The following SNTG1 variants were observed in gnomAD, a reference collection of about 807,000 sequenced individuals.
SNTG1 encodes gamma-1-syntrophin.
In SNTG1, 39 loss-of-function variants were observed where a neutral mutation model predicts 74.7. That is an observed-to-expected ratio of 0.52 (90% CI 0.40 to 0.68). SNTG1 has a LOEUF of 0.68. SNTG1 is among the 30% of genes least tolerant of loss of function. SNTG1 has a pLI of 0.00. For synonymous variants in SNTG1, 254 were observed against 217.1 expected, an observed-to-expected ratio of 1.17 and a Z score of -1.49; for missense variants, 685 against 609.5, an observed-to-expected ratio of 1.12 and a Z score of -1.30.
intron 1 of SNTG1, among the ~76,000 whole-genome samples, chr8:50,004,263 A>G (rs1815009339): frequency 6.6e-6 from 1 of 152,186 alleles, no homozygotes; most frequent in African/African-American, 2.4e-5. Flanking sequence ...TGTTTAACAT[A>G]CATTATTCCA....
chr8:50,676,288 A>G (rs2095309395), intron 15 of SNTG1, among the ~76,000 whole-genome samples: 1 of 151,766 alleles, frequency 6.6e-6, no homozygotes. Flanking sequence ...CTTTTTATGA[A>G]GTCCCATATT....
At chr8:49,931,243 C>G (rs987684120) in intron 1 of SNTG1, among the ~76,000 whole-genome samples, 1 of 152,124 alleles carries the variant, frequency 6.6e-6, no homozygotes, top group East Asian at 1.9e-4. Context: ...ACAATGTGGC[C>G]GACCAACAGT....
At chr8:49,934,779 G>A (rs558331140) in intron 1 of SNTG1, among the ~76,000 whole-genome samples, 1 of 152,218 alleles carries the variant, frequency 6.6e-6, no homozygotes, top group African/African-American at 2.4e-5. Flanking sequence ...AAGTAAATAA[G>A]TTGGTTTAAA....
chr8:50,489,428 C>T (rs535495749), intron 8 of SNTG1, among the ~76,000 whole-genome samples: 24 of 152,354 alleles, frequency 1.6e-4, no homozygotes, highest in Admixed American at 6.5e-4. Context: ...CACATCCTCT[C>T]CAGCATCTTC....
At chr8:50,681,677 C>T in intron 15 of SNTG1, among the ~76,000 whole-genome samples, 1 of 152,156 alleles carries the variant, frequency 6.6e-6, no homozygotes, top group Admixed American at 6.5e-5. Context: ...CAGAATGAGC[C>T]AGCAATGCTA....
At chr8:50,404,093 G>C (rs1281312969) in intron 4 of SNTG1, among the ~76,000 whole-genome samples, 1 of 152,060 alleles carries the variant, frequency 6.6e-6, no homozygotes, top group East Asian at 1.9e-4. Flanking sequence ...CAAGGTTGCT[G>C]AGAATAAGGA....
At chr8:50,660,832 T>A (rs1414891188) in intron 15 of SNTG1, among the ~76,000 whole-genome samples, 1 of 152,182 alleles carries the variant, frequency 6.6e-6, no homozygotes, top group Admixed American at 6.5e-5. Context: ...ATGTTCTATC[T>A]CTTTGTTACA....
At chr8:50,261,733 T>C (rs1348282281) in intron 2 of SNTG1, among the ~76,000 whole-genome samples, 4 of 151,940 alleles carry the variant, frequency 2.6e-5, no homozygotes, top group Non-Finnish European at 5.9e-5. Context: ...TAAATGTAAA[T>C]TGCAAATTCT....
At chr8:50,035,479 C>A (rs1818077949) in intron 1 of SNTG1, among the ~76,000 whole-genome samples, 1 of 152,062 alleles carries the variant, frequency 6.6e-6, no homozygotes, top group Non-Finnish European at 1.5e-5. Flanking sequence ...CATTTTTTCC[C>A]AGAGATGGCA....
At chr8:50,566,308 A>G (rs1335399988) in intron 12 of SNTG1, among the ~76,000 whole-genome samples, 1 of 151,994 alleles carries the variant, frequency 6.6e-6, no homozygotes, top group Non-Finnish European at 1.5e-5. Flanking sequence ...ACAACCGGAA[A>G]CTTTGAGATT....
At chr8:50,155,822 A>G (rs389684) in intron 1 of SNTG1, among the ~76,000 whole-genome samples, 1 of 152,018 alleles carries the variant, frequency 6.6e-6, no homozygotes, top group African/African-American at 2.4e-5. Context: ...ACAGAAAACA[A>G]ACATAAGATA....
intron 1 of SNTG1, among the ~76,000 whole-genome samples, chr8:50,101,747 C>T (rs970836877): frequency 5.3e-5 from 8 of 151,814 alleles, no homozygotes; most frequent in African/African-American, 1.7e-4. Flanking sequence ...TGTAATGTTC[C>T]CCTTCCTGTG....
chr8:50,447,170 G>T (rs1412862744), intron 5 of SNTG1, among the ~76,000 whole-genome samples: 1 of 152,104 alleles, frequency 6.6e-6, no homozygotes, highest in Non-Finnish European at 1.5e-5. Context: ...TCAACCCTCA[G>T]AAAAACTCTA....
At chr8:50,525,844 G>A (rs2094215559) in intron 9 of SNTG1, among the ~76,000 whole-genome samples, 1 of 147,110 alleles carries the variant, frequency 6.8e-6, no homozygotes, top group Admixed American at 6.8e-5. Context: ...TTACAGACCT[G>A]GTTTCCACTT....
intron 6 of SNTG1, among the ~76,000 whole-genome samples, chr8:50,450,035 C>A (rs951370618): frequency 3.9e-5 from 6 of 152,164 alleles, no homozygotes; most frequent in Admixed American, 1.3e-4. Flanking sequence ...GATAACAAGT[C>A]CCATCAAGTA....
intron 17 of SNTG1, among the ~76,000 whole-genome samples, chr8:50,724,182 G>T (rs910764392): frequency 6.6e-6 from 1 of 151,970 alleles, no homozygotes; most frequent in African/African-American, 2.4e-5. Flanking sequence ...TTTTATATTT[G>T]ATATCAGAAA....
chr8:50,005,363 A>G (rs1329992925), intron 1 of SNTG1, among the ~76,000 whole-genome samples: 1 of 152,004 alleles, frequency 6.6e-6, no homozygotes, highest in African/African-American at 2.4e-5. Context: ...CTTTAATTGA[A>G]CATATACATC....
chr8:50,398,348 G>T (rs942934587), intron 3 of SNTG1, among the ~76,000 whole-genome samples: 1 of 152,156 alleles, frequency 6.6e-6, no homozygotes, highest in African/African-American at 2.4e-5. Context: ...TCCTGCAGCG[G>T]CCCCTGCTGG....
chr8:50,325,650 GCAAA>G (rs1264631474), intron 2 of SNTG1, among the ~76,000 whole-genome samples: 1 of 152,012 alleles, frequency 6.6e-6, no homozygotes, highest in Non-Finnish European at 1.5e-5. Context: ...TATCAAGCTT[GCAAA>G]CAAAGAAAAC....
Sources: gnomAD v4.1 joint callset for allele counts (sites outside exome capture counted in the v4.1 genomes callset) on GRCh38, gnomAD v4.1.1 for gene constraint, MANE v1.5 for transcripts, NCBI Gene and HGNC (gene_info 2026-07-23, HGNC 2026-07-21) for gene names.